The following MEMO1 variants were observed in gnomAD, a reference collection of about 807,000 sequenced individuals.
MEMO1 encodes protein MEMO1.
A neutral mutation model predicts 45.2 loss-of-function variants in MEMO1; 6 were observed. That is an observed-to-expected ratio of 0.13 (90% CI 0.07 to 0.26). MEMO1 has a LOEUF of 0.26. MEMO1 is among the 10% of genes least tolerant of loss of function. MEMO1 has a pLI of 1.00. For synonymous variants in MEMO1, 78 were observed against 124.3 expected (o/e 0.63, Z 2.48); for missense variants, 184 against 370.5 (o/e 0.50, Z 4.13).
chr2:31,964,953 C>T (rs1668436763), intron 2 of MEMO1, among the ~76,000 whole-genome samples: 1 of 152,008 alleles, frequency 6.6e-6, no homozygotes, highest in Non-Finnish European at 1.5e-5. Flanking sequence ...GCGGCTCACC[C>T]CTGTAATCCC....
intron 2 of MEMO1, among the ~76,000 whole-genome samples, chr2:31,962,630 C>T (rs1007914770): frequency 6.6e-6 from 1 of 152,114 alleles, no homozygotes; most frequent in Non-Finnish European, 1.5e-5. Context: ...AGAAATTACA[C>T]CTTTCCAAAT....
At chr2:31,937,062 C>T (rs1040031530) in intron 3 of MEMO1, among the ~76,000 whole-genome samples, 3 of 151,998 alleles carry the variant, frequency 2.0e-5, no homozygotes, top group African/African-American at 7.2e-5. Flanking sequence ...GACAACTGGC[C>T]CTATATAATT....
rs570183412 is a variant in MEMO1 at position 31,915,324 on chromosome 2, G to A, written c.437+2602C>T. Among the ~76,000 whole-genome samples the A allele has an allele frequency of 4.6e-5, 7 of 152,286 alleles. No individual in the cohort carries two copies. The South Asian group carries it at 1.5e-3, about 32-fold the overall frequency. ...TGAATTGTCCACCAGAGGAAGAACT[G>A]TAGTAGACTATCAGCAAAGACGGCT... is the stretch of plus-strand genomic sequence containing the variant. On this transcript the variant is annotated intron_variant, in intron 6 of 9. Coordinates refer to ENST00000404530, the MANE Select transcript of MEMO1 (RefSeq NM_001301833.4).
chr2:31,973,585 A>C, intron 2 of MEMO1, among the ~76,000 whole-genome samples: 1 of 152,248 alleles, frequency 6.6e-6, no homozygotes, highest in South Asian at 2.1e-4. Flanking sequence ...CAGCAGATAA[A>C]TGGAAAAACA....
At chr2:32,000,420 C>T (rs967816284) in intron 2 of MEMO1, among the ~76,000 whole-genome samples, 12 of 151,910 alleles carry the variant, frequency 7.9e-5, no homozygotes, top group African/African-American at 1.5e-4. Flanking sequence ...TTAGTAGAGA[C>T]GGGGTTTCAC....
At chr2:31,933,352 T>TAAAAAAAAAAAA (rs1558514359) in intron 3 of MEMO1, among the ~76,000 whole-genome samples, 4 of 12,218 alleles carry the variant, frequency 3.3e-4, no homozygotes, top group Non-Finnish European at 4.0e-4. Context: ...AAAAAAAATT[T>TAAAAAAAAAAAA]ATATATATAT....
chr2:31,875,455 T>G (rs1377149606), intron 8 of MEMO1, among the ~76,000 whole-genome samples: 1 of 152,216 alleles, frequency 6.6e-6, no homozygotes. Context: ...ATCTCTGTCC[T>G]GGCTTTAATG....
At chr2:31,960,113 C>G (rs1312548114) in intron 2 of MEMO1, among the ~76,000 whole-genome samples, 1 of 151,698 alleles carries the variant, frequency 6.6e-6, no homozygotes, top group Non-Finnish European at 1.5e-5. Flanking sequence ...ATGAGAACTG[C>G]TTGGACCTAG....
intron 6 of MEMO1, among the ~76,000 whole-genome samples, chr2:31,915,877 C>A (rs942560261): frequency 3.3e-5 from 5 of 152,060 alleles, no homozygotes; most frequent in Non-Finnish European, 4.4e-5. Flanking sequence ...TACTAAGTTA[C>A]TTTTACTTAG....
At chr2:31,947,432 T>C (rs868793040) in intron 2 of MEMO1, among the ~76,000 whole-genome samples, 7 of 152,336 alleles carry the variant, frequency 4.6e-5, no homozygotes, top group Middle Eastern at 3.4e-3. Flanking sequence ...TCTGAGTTCT[T>C]TCACAGAGAC....
At chr2:31,944,957 T>C (rs1666025059) in intron 2 of MEMO1, among the ~76,000 whole-genome samples, 1 of 152,204 alleles carries the variant, frequency 6.6e-6, no homozygotes, top group Admixed American at 6.5e-5. Flanking sequence ...TTACTTAAGA[T>C]TTTCCTTGGT....
intron 2 of MEMO1, among the ~76,000 whole-genome samples, chr2:31,980,508 A>G (rs1473660147): frequency 1.3e-5 from 2 of 152,170 alleles, no homozygotes; most frequent in African/African-American, 4.8e-5. Flanking sequence ...TTGCTCCATT[A>G]TAACATTTTT....
intron 2 of MEMO1, among the ~76,000 whole-genome samples, chr2:32,004,532 T>G (rs983805249): frequency 5.3e-5 from 8 of 152,184 alleles, no homozygotes; most frequent in Non-Finnish European, 8.8e-5. Context: ...TACCAAGTGT[T>G]AGCAAAGATG....
At chr2:31,892,990 C>T (rs1014877863) in intron 6 of MEMO1, among the ~76,000 whole-genome samples, 2 of 151,836 alleles carry the variant, frequency 1.3e-5, no homozygotes, top group African/African-American at 4.8e-5. Flanking sequence ...TCTAAATGAT[C>T]CCAGATTTGG....
chr2:31,871,674 A>T (rs1673772885), intron 8 of MEMO1, among the ~76,000 whole-genome samples: 1 of 152,102 alleles, frequency 6.6e-6, no homozygotes, highest in African/African-American at 2.4e-5. Context: ...AACACTCTCC[A>T]CCGACACTTG....
intron 6 of MEMO1, among the ~76,000 whole-genome samples, chr2:31,913,157 C>A (rs998377223): frequency 2.1e-5 from 3 of 143,812 alleles, no homozygotes; most frequent in Admixed American, 7.3e-5. Context: ...CCCAACTACT[C>A]GGGAGGCTGA....
intron 3 of MEMO1, among the ~76,000 whole-genome samples, chr2:31,933,985 C>T (rs1024176651): frequency 5.3e-5 from 8 of 152,170 alleles, no homozygotes. Flanking sequence ...CTGCTCACTG[C>T]TTCAGACTGC....
At chr2:31,935,133 C>G (rs1487896431) in intron 3 of MEMO1, among the ~76,000 whole-genome samples, 4 of 152,050 alleles carry the variant, frequency 2.6e-5, no homozygotes, top group Non-Finnish European at 4.4e-5. Flanking sequence ...GATGAAGAAA[C>G]TAAAACAGAG....
chr2:31,976,819 G>C (rs1670058032), intron 2 of MEMO1, among the ~76,000 whole-genome samples: 2 of 152,028 alleles, frequency 1.3e-5, no homozygotes, highest in African/African-American at 4.8e-5. Flanking sequence ...TTATAAACGA[G>C]ATTTATGAGA....
Sources: gnomAD v4.1 joint callset for allele counts (sites outside exome capture counted in the v4.1 genomes callset) on GRCh38, gnomAD v4.1.1 for gene constraint, MANE v1.5 for transcripts, NCBI Gene and HGNC (gene_info 2026-07-23, HGNC 2026-07-21) for gene names.